The following CRIM1 variants were observed in gnomAD, a reference collection of about 807,000 sequenced individuals.
CRIM1 encodes the protein cysteine-rich motor neuron 1 protein.
CRIM1 carries 32 observed loss-of-function variants against 116.4 expected under a neutral mutation model. The ratio of observed to expected loss-of-function variants is 0.27; its 90% confidence interval spans 0.21 to 0.37. The LOEUF is 0.37. CRIM1 is among the 10% of genes least tolerant of loss of function. CRIM1 has a pLI of 1.00. For missense variants in CRIM1, 1,331 were observed against 1,354.8 expected, an observed-to-expected ratio of 0.98 and a Z score of 0.28; for synonymous variants, 590 against 509.2, an observed-to-expected ratio of 1.16 and a Z score of -2.13.
intron 1 of CRIM1, among the ~76,000 whole-genome samples, chr2:36,357,237 C>G (rs906953163): frequency 3.3e-5 from 5 of 152,098 alleles, no homozygotes; most frequent in Non-Finnish European, 5.9e-5. Context: ...GGTGGTTACT[C>G]ATTTATTTGC....
chr2:36,513,444 C>A, intron 10 of CRIM1, 112 bp from the exon 11 acceptor site: 1 of 772,670 alleles, frequency 1.3e-6, no homozygotes, highest in Non-Finnish European at 2.3e-6. Flanking sequence ...ACAAACTGTC[C>A]TGTGTTAGAC....
At chr2:36,520,434 G>T (rs140823303) in intron 12 of CRIM1, among the ~76,000 whole-genome samples, 1 of 152,312 alleles carries the variant, frequency 6.6e-6, no homozygotes, top group Non-Finnish European at 1.5e-5. Context: ...AGTTAGCACT[G>T]GTCAGTCTCT....
At chr2:36,546,041 A>G (rs1667300394) in intron 15 of CRIM1, among the ~76,000 whole-genome samples, 1 of 152,140 alleles carries the variant, frequency 6.6e-6, no homozygotes, top group South Asian at 2.1e-4. Flanking sequence ...TATCATTTAA[A>G]ATCTGAGTTT....
In CRIM1 at chr2:36,543,757, G is replaced by A. The variant is rs576372230; in HGVS notation, c.2624-619G>A. Among the ~76,000 whole-genome samples, 3 of 148,346 alleles carry A rather than the reference G, an allele frequency of 2.0e-5. No individual in the cohort carries two copies. The South Asian group carries it at 6.2e-4, about 31-fold the overall frequency. On this transcript the variant is annotated intron_variant, in intron 14 of 16. Transcript: ENST00000280527. ...ATTCTTCTGTTTGTTTTATGTTGTA[G>A]TATAATACCTATCTGATCAAACTGG...
Position 36,356,811 on chromosome 2 carries a change from T to A in CRIM1, c.331+188T>A, listed in dbSNP as rs767359122. On this transcript the variant is annotated intron_variant, in intron 1 of 16. Transcript: ENST00000280527. The surrounding 1 kb of genome is among the most constrained non-coding windows in gnomAD (Gnocchi z 4.3). ...CCCTCTCCTTGTTCCCCCCGACGCT[T>A]AGGCAGTCGCGGGCGAGGTTGGGTA... Among the ~76,000 whole-genome samples the A allele has an allele frequency of 1.1e-4, 17 of 152,310 alleles. No homozygotes were observed. The highest frequency in any genetic ancestry group is 2.2e-4 in the Non-Finnish European group (15 of 68,014).
At chr2:36,367,158 A>G (rs763330201) in intron 1 of CRIM1, among the ~76,000 whole-genome samples, 14 of 152,212 alleles carry the variant, frequency 9.2e-5, no homozygotes, top group Non-Finnish European at 1.8e-4. Flanking sequence ...AAACAGTTGG[A>G]GACAGAATGG....
intron 1 of CRIM1, among the ~76,000 whole-genome samples, chr2:36,380,583 TC>T (rs1470459245): frequency 1.1e-4 from 16 of 151,984 alleles, no homozygotes; most frequent in African/African-American, 3.9e-4. Context: ...AACAAAGAAA[TC>T]AAAAGAAGGA....
At chr2:36,390,362 CAAAT>C (rs1168459686) in intron 1 of CRIM1, among the ~76,000 whole-genome samples, 1 of 152,158 alleles carries the variant, frequency 6.6e-6, no homozygotes, top group Admixed American at 6.5e-5. Context: ...AATAAGAACT[CAAAT>C]AAAAATACTG....
chr2:36,499,862 C>T (rs540009075), intron 8 of CRIM1, among the ~76,000 whole-genome samples: 3 of 152,136 alleles, frequency 2.0e-5, no homozygotes, highest in Non-Finnish European at 1.5e-5. Flanking sequence ...ACACCCCACC[C>T]CCATATATGT....
chr2:36,477,050 G>C lies in CRIM1; in HGVS notation c.1153G>C (p.Glu385Gln). ...NCERYYVPEG[E>Q]CCPVCEDPVY... ...CGAGAGGTACTACGTGCCCGAAGGA[G>C]AGTGCTGCCCAGTGTGTGAAGGTAA... Residue 385 changes from glutamate to glutamine, a missense_variant, in exon 6 of 17, where the codon GAG (glutamate) becomes CAG (glutamine). Around this residue, in one of 3 missense-constraint regions of CRIM1, gnomAD observed 690 missense variants for 676.0 expected, o/e 1.02. Transcript: ENST00000280527. The C allele has an allele frequency of 6.2e-7, 1 of 1,613,724 alleles. No homozygotes were observed. The highest frequency in any genetic ancestry group is 1.1e-5 in the South Asian group (1 of 91,002).
At chr2:36,410,705 T>C (rs1673140026) in intron 2 of CRIM1, among the ~76,000 whole-genome samples, 1 of 152,204 alleles carries the variant, frequency 6.6e-6, no homozygotes, top group Non-Finnish European at 1.5e-5. Flanking sequence ...CTATATTCTA[T>C]TAAATATTGT....
chr2:36,522,816 G>A (rs66484476), intron 13 of CRIM1, among the ~76,000 whole-genome samples: 85,885 of 126,564 alleles, frequency 0.68, 29,427 homozygotes, highest in Non-Finnish European at 0.75. Context: ...AAAAAAAAAA[G>A]AAGAAGAAGA....
At chr2:36,381,490 A>G (rs572112845) in intron 1 of CRIM1, among the ~76,000 whole-genome samples, 1 of 152,348 alleles carries the variant, frequency 6.6e-6, no homozygotes, top group Admixed American at 6.5e-5. Context: ...GAGGAGGAGC[A>G]GGCCAGAATG....
intron 2 of CRIM1, among the ~76,000 whole-genome samples, chr2:36,436,737 C>T (rs2124921074): frequency 6.6e-6 from 1 of 152,230 alleles, no homozygotes; most frequent in South Asian, 2.1e-4. Context: ...AAACCAAAAA[C>T]ATGCAAAACT....
intron 1 of CRIM1, among the ~76,000 whole-genome samples, chr2:36,379,932 G>A (rs868380014): frequency 6.6e-6 from 1 of 151,582 alleles, no homozygotes; most frequent in Non-Finnish European, 1.5e-5. Context: ...TATGTTTATG[G>A]GAGGAATGTA....
intron 4 of CRIM1, among the ~76,000 whole-genome samples, chr2:36,454,087 G>A (rs538185770): frequency 5.9e-5 from 9 of 152,222 alleles, no homozygotes; most frequent in African/African-American, 1.7e-4. Context: ...AAGTGAAGAC[G>A]CTTCTTAGTA....
At chr2:36,390,796 C>G (rs1671515589) in intron 1 of CRIM1, among the ~76,000 whole-genome samples, 1 of 151,992 alleles carries the variant, frequency 6.6e-6, no homozygotes, top group Admixed American at 6.6e-5. Context: ...AGAAAACTTG[C>G]TCCTGATACT....
At chr2:36,525,482 A>G (rs1461507604) in intron 13 of CRIM1, among the ~76,000 whole-genome samples, 1 of 152,174 alleles carries the variant, frequency 6.6e-6, no homozygotes, top group Non-Finnish European at 1.5e-5. Flanking sequence ...AGCCTTTATC[A>G]CCATCCAGAG....
chr2:36,415,371 C>G (rs140921159), intron 2 of CRIM1, among the ~76,000 whole-genome samples: 1 of 152,266 alleles, frequency 6.6e-6, no homozygotes, highest in East Asian at 1.9e-4. Flanking sequence ...TGGAACACAT[C>G]AGTAAAATTG....
Sources: allele counts gnomAD v4.1 joint callset (sites outside exome capture counted in the v4.1 genomes callset), GRCh38; gene constraint gnomAD v4.1.1; regional missense constraint gnomAD v4.1.1; non-coding constraint Gnocchi (gnomAD v3.1); transcripts MANE v1.5; gene names NCBI Gene and HGNC (gene_info 2026-07-23, HGNC 2026-07-21).